The following PPP4R4 variants were observed in gnomAD, a reference collection of about 807,000 sequenced individuals.
The protein encoded by PPP4R4 is serine/threonine-protein phosphatase 4 regulatory subunit 4.
A neutral mutation model predicts 121.8 loss-of-function variants in PPP4R4; 70 were observed. The observed-to-expected ratio is 0.57, with a 90% CI of 0.47 to 0.70. The LOEUF is 0.70. PPP4R4 is among the 30% of genes least tolerant of loss of function. PPP4R4 has a pLI of 0.00. For synonymous variants in PPP4R4, 348 were observed against 355.7 expected (o/e 0.98, Z 0.24); for missense variants, 875 against 1,033.6 (o/e 0.85, Z 2.10).
At chr14:94,239,600 C>T (rs529628523) in intron 8 of PPP4R4, among the ~76,000 whole-genome samples, 5 of 152,048 alleles carry the variant, frequency 3.3e-5, no homozygotes, top group South Asian at 4.2e-4. Context: ...TCTGGCCCAC[C>T]GCCTGTTTTT....
At chr14:94,185,272 A>G (rs1889207184) in intron 2 of PPP4R4, among the ~76,000 whole-genome samples, 1 of 152,222 alleles carries the variant, frequency 6.6e-6, no homozygotes, top group African/African-American at 2.4e-5. Flanking sequence ...TTGAGAGGTC[A>G]AGGCAGGAAG....
intron 7 of PPP4R4, among the ~76,000 whole-genome samples, chr14:94,235,388 C>CTTTTTTTTTTTTTTTTTTT (rs34881107): frequency 2.0e-5 from 1 of 50,806 alleles, no homozygotes; most frequent in African/African-American, 9.2e-5. Flanking sequence ...TCTCCTTGTT[C>CTTTTTTTTTTTTTTTTTTT]TTTTTTTTTT....
intron 3 of PPP4R4, among the ~76,000 whole-genome samples, chr14:94,220,331 A>G (rs1469125156): frequency 6.6e-6 from 1 of 152,218 alleles, no homozygotes; most frequent in African/African-American, 2.4e-5. Flanking sequence ...ACTTTTTCCT[A>G]AGATCAGGAA....
chr14:94,278,624 C>T lies in PPP4R4; in HGVS notation c.2603C>T (p.Ser868Phe). ...TCATTTCTTTCTTCCCAAAGAAAATCCAGAAAATCCAATCCTTAAATCAAC... is the reference window on the plus strand; with the variant it reads ...TCATTTCTTTCTTCCCAAAGAAAATTCAGAAAATCCAATCCTTAAATCAAC... ...DTQPRKATLK[S>F]RKSNP Residue 868 changes from serine (S) to phenylalanine (F), a missense_variant, in exon 25 of 25, where the codon TCC (serine) becomes TTC (phenylalanine). Ser to Phe is a radical substitution (Grantham distance 155, BLOSUM62 -2). Transcript: ENST00000304338. 2 of 1,569,390 alleles carry T rather than the reference C, an allele frequency of 1.3e-6. No homozygotes were observed. Among genetic ancestry groups the T allele is most frequent in the East Asian group, 4.6e-5 (2 of 43,112 alleles).
intron 21 of PPP4R4, 47 bp from the exon 22 acceptor site, chr14:94,265,747 C>A: frequency 7.3e-7 from 1 of 1,368,026 alleles, no homozygotes; most frequent in Non-Finnish European, 1.0e-6. Context: ...TTGGAGCAGC[C>A]GAGGATGAAC....
intron 2 of PPP4R4, among the ~76,000 whole-genome samples, chr14:94,195,203 A>G (rs1889806840): frequency 6.6e-6 from 1 of 152,104 alleles, no homozygotes; most frequent in African/African-American, 2.4e-5. Context: ...CTGTCCTTCT[A>G]CCATAGTGAC....
intron 19 of PPP4R4, among the ~76,000 whole-genome samples, chr14:94,261,281 A>G (rs1013005585): frequency 6.6e-6 from 1 of 152,134 alleles, no homozygotes; most frequent in African/African-American, 2.4e-5. Context: ...TTGCATTTTG[A>G]TATGAAGTCT....
chr14:94,177,232 T>C (rs182779813), intron 2 of PPP4R4, among the ~76,000 whole-genome samples: 58 of 152,352 alleles, frequency 3.8e-4, no homozygotes, highest in African/African-American at 1.3e-3. Context: ...TAGAAATGTT[T>C]CTGCATCTTA....
At chr14:94,228,325 T>G (rs1179079234) in intron 3 of PPP4R4, among the ~76,000 whole-genome samples, 1 of 152,228 alleles carries the variant, frequency 6.6e-6, no homozygotes, top group Non-Finnish European at 1.5e-5. Flanking sequence ...TTTTGGCATC[T>G]GGTAGACAAT....
chr14:94,269,657 GAAAAAA>G (rs768053231), intron 23 of PPP4R4, among the ~76,000 whole-genome samples: 44 of 137,372 alleles, frequency 3.2e-4, no homozygotes, highest in African/African-American at 1.0e-3. Context: ...TCCATCTCCA[GAAAAAA>G]AAAAAACAAA....
chr14:94,185,688 A>G lies in PPP4R4; in HGVS notation c.191+9561A>G, dbSNP rs116999546. Among the ~76,000 whole-genome samples, 797 of 152,304 alleles carry G rather than the reference A, an allele frequency of 5.2e-3. 4 individuals are homozygous for G. The highest frequency in any genetic ancestry group is 0.011 in the South Asian group (51 of 4,828). On this transcript the variant is annotated intron_variant, in intron 2 of 24. Coordinates refer to ENST00000304338, the MANE Select transcript of PPP4R4 (RefSeq NM_058237.2). ...ATTAGGAACATATTTTACTTTGGAT[A>G]TATAGGAAACATCCCATTTGGAAAC...
chr14:94,231,207 C>T (rs372076972), intron 4 of PPP4R4, 35 bp from the exon 5 acceptor site: 582 of 1,521,546 alleles, frequency 3.8e-4, no homozygotes, highest in Admixed American at 9.4e-4. Flanking sequence ...TGAAGTGAGA[C>T]GTTTAATTTA....
At chr14:94,181,141 A>G (rs1475735605) in intron 2 of PPP4R4, among the ~76,000 whole-genome samples, 1 of 152,092 alleles carries the variant, frequency 6.6e-6, no homozygotes, top group Non-Finnish European at 1.5e-5. Context: ...GTGTGTCCCC[A>G]CATTTACTTT....
intron 2 of PPP4R4, among the ~76,000 whole-genome samples, chr14:94,198,795 A>T (rs1480286954): frequency 6.6e-6 from 1 of 152,130 alleles, no homozygotes; most frequent in African/African-American, 2.4e-5. Flanking sequence ...CTCCTCATTG[A>T]GTTGTCGTTT....
At chr14:94,182,482 A>G (rs777084655) in intron 2 of PPP4R4, among the ~76,000 whole-genome samples, 4 of 152,154 alleles carry the variant, frequency 2.6e-5, no homozygotes, top group Non-Finnish European at 5.9e-5. Flanking sequence ...AACACTATAC[A>G]TTGATTTACC....
chr14:94,191,860 T>A (rs1008211198), intron 2 of PPP4R4, among the ~76,000 whole-genome samples: 8 of 152,148 alleles, frequency 5.3e-5, no homozygotes, highest in African/African-American at 1.9e-4. Context: ...GGCTGTCATT[T>A]CAGCCAGTTC....
At chr14:94,256,344 A>G (rs1329322031) in intron 16 of PPP4R4, 116 bp from the exon 17 acceptor site, 7 of 791,898 alleles carry the variant, frequency 8.8e-6, no homozygotes, top group South Asian at 2.0e-5. Flanking sequence ...CACTCCATGA[A>G]TATATCTTGC....
At chr14:94,246,051 A>G (rs944356100) in intron 13 of PPP4R4, among the ~76,000 whole-genome samples, 3 of 152,194 alleles carry the variant, frequency 2.0e-5, no homozygotes, top group African/African-American at 7.2e-5. Flanking sequence ...AAGCTTATTG[A>G]CAGTAATAAT....
chr14:94,267,879 TAGG>T (rs1894124552), intron 23 of PPP4R4, among the ~76,000 whole-genome samples: 1 of 152,154 alleles, frequency 6.6e-6, no homozygotes, highest in Admixed American at 6.5e-5. Flanking sequence ...TTTTAATTCT[TAGG>T]AGGAATGTAT....
Sources: gnomAD v4.1 joint callset for allele counts (sites outside exome capture counted in the v4.1 genomes callset) on GRCh38, gnomAD v4.1.1 for gene constraint, MANE v1.5 for transcripts, NCBI Gene and HGNC (gene_info 2026-07-23, HGNC 2026-07-21) for gene names.